ZNF600: variants seen among roughly 807,000 people sequenced by gnomAD.
ZNF600 encodes the protein zinc finger protein KR-ZNF1.
Under a neutral mutation model 7.3 loss-of-function variants are expected in ZNF600, and 4 were observed. The ratio of observed to expected loss-of-function variants is 0.55; its 90% CI spans 0.27 to 1.25. The LOEUF is 1.25. Ranked by LOEUF, ZNF600 falls within the 50% of genes most tolerant of loss-of-function variation. The probability of loss-of-function intolerance (pLI) is 0.12; values close to 1 mark genes in which losing one functional copy is unlikely to be tolerated. For synonymous variants in ZNF600, 290 were observed against 308.9 expected (o/e 0.94, Z 0.64); for missense variants, 911 against 922.1 (o/e 0.99, Z 0.16).
the ZNF600 span, among the ~76,000 whole-genome samples, chr19:52,792,404 G>A: frequency 6.6e-6 from 1 of 152,012 alleles, no homozygotes; most frequent in Non-Finnish European, 1.5e-5. Flanking sequence ...ATGTCTGAGT[G>A]CCTCATCCAA....
At chr19:52,816,767 G>A in the ZNF600 span, among the ~76,000 whole-genome samples, 8 of 151,788 alleles carry the variant, frequency 5.3e-5, no homozygotes, top group Non-Finnish European at 7.4e-5. Flanking sequence ...GGAGACAGAG[G>A]TTGTAGTAAG....
chr19:52,766,688 T>C lies in ZNF600; in HGVS notation c.1275A>G (p.Lys425=), dbSNP rs368763716. The C allele has an allele frequency of 5.3e-5, 86 of 1,614,170 alleles. 1 individual carries two copies. Among genetic ancestry groups the C allele is most frequent in the African/African-American group, 2.4e-4 (18 of 75,048 alleles). ...TGCCACACTCATTACACTTGTAAGT[T>C]TTCTCTCCAGTGTGAATTCTTTTAT... Residue 425 remains lysine (K), a synonymous_variant, in exon 4 of 4, where the codon AAA becomes AAG. Coordinates refer to ENST00000648973, the Ensembl canonical transcript of ZNF600.
At chr19:52,785,201 T>C (rs1222653836) in intron 1 of ZNF600, among the ~76,000 whole-genome samples, 1 of 151,876 alleles carries the variant, frequency 6.6e-6, no homozygotes, top group Non-Finnish European at 1.5e-5. Context: ...CTCTATTACT[T>C]CTCTTCCACC....
rs2062696404 is a variant in ZNF600 at position 52,778,723 on chromosome 19, T to A, written c.63+103A>T. On this transcript the variant is annotated intron_variant, in intron 2 of 3. Transcript: ENST00000648973. ...AGGCATGGCTGAGTGTGAGTGAACG[T>A]GTCAGGCAAAATTCTTCAAACTCAG... 26 of 1,467,978 alleles carry A rather than the reference T, an allele frequency of 1.8e-5. No homozygotes were observed. The South Asian group carries it at 3.3e-4, about 19-fold the overall frequency. 90.9% of individuals were successfully genotyped at this position (1,467,978 alleles called of 1,614,324 possible).
At chr19:52,802,614 T>C in the ZNF600 span, among the ~76,000 whole-genome samples, 3 of 151,918 alleles carry the variant, frequency 2.0e-5, no homozygotes, top group Admixed American at 6.6e-5. Context: ...GAGGCAAAGA[T>C]TGTGGTGAGT....
the ZNF600 span, among the ~76,000 whole-genome samples, chr19:52,829,374 AT>A: frequency 1.6e-5 from 1 of 62,082 alleles, no homozygotes; most frequent in Non-Finnish European, 2.9e-5. Flanking sequence ...CCTCCCCCCT[AT>A]TTTTTTCTTT....
At chr19:52,778,936 GT>G (rs2062698344) in intron 1 of ZNF600, 29 bp from the exon 4 acceptor site, 15 of 1,571,932 alleles carry the variant, frequency 9.5e-6, no homozygotes, top group Non-Finnish European at 1.3e-5. Context: ...GAGACTTCTT[GT>G]TAGAAATGAC....
intron 2 of ZNF600, among the ~76,000 whole-genome samples, chr19:52,775,534 G>C (rs1206185094): frequency 1.3e-5 from 2 of 152,056 alleles, no homozygotes; most frequent in Non-Finnish European, 2.9e-5. Context: ...TGGCAACAGA[G>C]CAAGACTCCA....
chr19:52,801,068 T>C, the ZNF600 span: 12 of 1,614,090 alleles, frequency 7.4e-6, no homozygotes, highest in Non-Finnish European at 1.0e-5. Context: ...TACGATGGCA[T>C]GCAAGGTATC....
At chr19:52,814,591 A>G in the ZNF600 span, among the ~76,000 whole-genome samples, 3 of 141,946 alleles carry the variant, frequency 2.1e-5, 1 homozygote, top group African/African-American at 8.7e-5. Context: ...CTTTGTCTCA[A>G]AAAGAAAAAA....
chr19:52,796,948 T>C, the ZNF600 span, among the ~76,000 whole-genome samples: 2 of 152,178 alleles, frequency 1.3e-5, no homozygotes, highest in South Asian at 4.1e-4. Flanking sequence ...TCATGCACAA[T>C]TTTCTCATAA....
intron 3 of ZNF600, among the ~76,000 whole-genome samples, chr19:52,769,467 C>A (rs1417851191): frequency 6.6e-6 from 1 of 152,176 alleles, no homozygotes; most frequent in African/African-American, 2.4e-5. Context: ...AAGGGAAGGG[C>A]CCCCTGTCTA....
At chr19:52,821,326 A>G in the ZNF600 span, among the ~76,000 whole-genome samples, 1 of 152,246 alleles carries the variant, frequency 6.6e-6, no homozygotes, top group Non-Finnish European at 1.5e-5. Context: ...GAGTCAAAAA[A>G]AGGTTTTGAG....
At chr19:52,781,618 T>C (rs1477757993) in intron 1 of ZNF600, among the ~76,000 whole-genome samples, 154 bp from the exon 2 acceptor site, 1 of 151,886 alleles carries the variant, frequency 6.6e-6, no homozygotes, top group East Asian at 1.9e-4. Context: ...TACAAAAAAT[T>C]AGCCAGGCAT....
chr19:52,805,877 G>A, the ZNF600 span: 3 of 151,988 alleles, frequency 2.0e-5, no homozygotes, highest in Non-Finnish European at 4.4e-5. Context: ...CTTCTCAGGG[G>A]CCTGAGGCAG....
chr19:52,780,004 A>C (rs1458115209), intron 1 of ZNF600, among the ~76,000 whole-genome samples: 2 of 152,084 alleles, frequency 1.3e-5, no homozygotes, highest in African/African-American at 4.8e-5. Flanking sequence ...TGACAAAAGG[A>C]GACTTCATCT....
chr19:52,765,567 A>G (rs775739894), exon 4 of ZNF600: 3 of 1,613,494 alleles, frequency 1.9e-6, no homozygotes, highest in Non-Finnish European at 2.5e-6. Flanking sequence ...GTTACTGAAG[A>G]CTTTGTGACA....
chr19:52,778,794 A>G, intron 2 of ZNF600, 32 bp downstream of exon 4: 1 of 1,584,246 alleles, frequency 6.3e-7, no homozygotes, highest in Non-Finnish European at 8.5e-7. Context: ...AAGGAAAGAG[A>G]CAGATTAATC....
Position 52,781,063 on chromosome 19 carries a change from G to C in ZNF600, c.-19-2156C>G, listed in dbSNP as rs1285283096. The C allele has an allele frequency of 6.6e-6, 1 of 152,214 alleles. No individual in the cohort carries two copies. Among genetic ancestry groups the C allele is most frequent in the Admixed American group, 6.6e-5 (1 of 15,256 alleles). 9.4% of individuals were successfully genotyped at this position (152,214 alleles called of 1,614,324 possible). On this transcript the variant is annotated intron_variant, in intron 1 of 3. Transcript: ENST00000648973. The stretch of plus-strand genomic sequence containing the variant: ...AGAGCTCAGGGGCGAGGCCTGCAGG[G>C]GACATGGAGTCATGTAGGTGGGTTA...
Sources: allele counts gnomAD v4.1 joint callset (sites outside exome capture counted in the v4.1 genomes callset), GRCh38; gene constraint gnomAD v4.1.1; transcripts MANE v1.5; gene names NCBI Gene and HGNC (gene_info 2026-07-23, HGNC 2026-07-21).